The following FGD4 variants were observed in gnomAD, a reference collection of about 807,000 sequenced individuals.
FGD4 encodes the protein FYVE, RhoGEF and PH domain-containing protein 4.
A neutral mutation model predicts 102.0 loss-of-function variants in FGD4; 42 were observed. The ratio of observed to expected loss-of-function variants is 0.41; its 90% CI spans 0.32 to 0.53. FGD4 has a LOEUF of 0.53. Among genes scored for constraint, FGD4 ranks in the 20% least tolerant of loss-of-function variants. The pLI, the probability that FGD4 is intolerant of heterozygous loss-of-function variation, is 0.21. For synonymous variants in FGD4, 380 were observed against 375.7 expected (o/e 1.01, Z -0.13); for missense variants, 902 against 1,078.2 (o/e 0.84, Z 2.29).
chr12:32,564,017 G>C, intron 1 of FGD4, 120 bp from the exon 2 acceptor site: 1 of 706,668 alleles, frequency 1.4e-6, no homozygotes, highest in Non-Finnish European at 2.1e-6. Context: ...GTGGAAAGGG[G>C]AGAGGGAGAG....
chr12:32,534,247 C>A, intron 1 of FGD4: 1 of 1,239,520 alleles, frequency 8.1e-7, no homozygotes, highest in Admixed American at 3.7e-5. Flanking sequence ...TGCAGCAGTC[C>A]GTCCTCTGGG....
intron 1 of FGD4, among the ~76,000 whole-genome samples, chr12:32,562,056 C>G (rs546804234): frequency 1.3e-5 from 2 of 152,270 alleles, no homozygotes; most frequent in South Asian, 2.1e-4. Context: ...AGCCATTCTT[C>G]TAGAGTCTTT....
chr12:32,625,730 C>A lies in FGD4; in HGVS notation c.2123C>A (p.Pro708His), dbSNP rs145071617. The A allele has an allele frequency of 2.2e-4, 360 of 1,613,630 alleles. No homozygotes were observed. The highest frequency in any genetic ancestry group is 2.9e-4 in the Non-Finnish European group (348 of 1,179,928). Residue 708 changes from proline (P) to histidine (H), a missense_variant, in exon 14 of 17, where the codon CCT (proline) becomes CAT (histidine). Around this residue, in one of 2 missense-constraint regions of FGD4, gnomAD observed 459 missense variants for 619.0 expected, o/e 0.74. Coordinates refer to ENST00000534526, the MANE Select transcript of FGD4 (RefSeq NM_001370298.3). ...EVTMCMKCKE[P>H]FNALTRRRHH... ...ACAATGTGTATGAAATGTAAAGAAC[C>A]TTTCAATGCACTGACACGAAGGAGG...
At chr12:32,542,456 A>G (rs917068059) in intron 1 of FGD4, among the ~76,000 whole-genome samples, 13 of 152,220 alleles carry the variant, frequency 8.5e-5, no homozygotes, top group African/African-American at 2.9e-4. Flanking sequence ...AATTAAAAAC[A>G]ATTTTATTTG....
chr12:32,538,423 T>G (rs1432670140), intron 1 of FGD4, among the ~76,000 whole-genome samples: 1 of 152,234 alleles, frequency 6.6e-6, no homozygotes, highest in Non-Finnish European at 1.5e-5. Flanking sequence ...TGTAGTGTTC[T>G]CCATTTCTTC....
At chr12:32,486,503 TCTTTC>T (rs1943905173) in intron 1 of FGD4, among the ~76,000 whole-genome samples, 1 of 152,202 alleles carries the variant, frequency 6.6e-6, no homozygotes, top group African/African-American at 2.4e-5. Context: ...TATTATAACC[TCTTTC>T]CTTCTACTTT....
At chr12:32,454,431 A>G (rs117913302) in intron 1 of FGD4, among the ~76,000 whole-genome samples, 5,747 of 152,250 alleles carry the variant, frequency 0.038, 164 homozygotes, top group Middle Eastern at 0.12. Flanking sequence ...ACATTTTCCT[A>G]TAGTTGAGGA....
chr12:32,436,560 C>T (rs1942235175), intron 1 of FGD4, among the ~76,000 whole-genome samples: 2 of 152,222 alleles, frequency 1.3e-5, no homozygotes, highest in South Asian at 4.1e-4. Context: ...TCCCTTGAAC[C>T]AGTTTGGTGT....
intron 1 of FGD4, among the ~76,000 whole-genome samples, chr12:32,536,914 T>TC (rs1324102907): frequency 1.3e-5 from 2 of 151,970 alleles, no homozygotes; most frequent in East Asian, 1.9e-4. Context: ...TTTCTTTTTT[T>TC]TCTCTCTCTC....
chr12:32,445,271 A>G (rs1010974375), intron 1 of FGD4, among the ~76,000 whole-genome samples: 2 of 152,266 alleles, frequency 1.3e-5, no homozygotes, highest in East Asian at 1.9e-4. Flanking sequence ...AAGGAATACA[A>G]TATTCATAAT....
intron 7 of FGD4, 106 bp from the exon 8 acceptor site, chr12:32,607,851 C>A: frequency 1.6e-6 from 2 of 1,268,436 alleles, no homozygotes; most frequent in South Asian, 1.2e-5. Context: ...GACAGTCACA[C>A]TTTGTCGAAA....
At chr12:32,492,723 G>A (rs1944149817) in intron 1 of FGD4, among the ~76,000 whole-genome samples, 1 of 152,174 alleles carries the variant, frequency 6.6e-6, no homozygotes, top group Non-Finnish European at 1.5e-5. Context: ...ATATCATCAG[G>A]AGTCATCTCT....
intron 7 of FGD4, among the ~76,000 whole-genome samples, chr12:32,606,003 T>C (rs769560413): frequency 6.6e-6 from 1 of 152,190 alleles, no homozygotes; most frequent in Non-Finnish European, 1.5e-5. Context: ...GAGTGGTAGA[T>C]TGGGAATCAA....
At position 32,626,250 on chromosome 12, in the gene FGD4, GCCTGACCA is replaced by G. The variant is rs1010948853; in HGVS notation, c.2172+472_2172+479del. ...ACCTGAGGTCAGGAGTTTGAGACCA[GCCTGACCA>G]ACATGGTGAAATCCCGTCTTTACTA... On this transcript the variant is annotated intron_variant, in intron 14 of 16. Transcript: ENST00000534526. Among the ~76,000 whole-genome samples the G allele has an allele frequency of 1.2e-3, 190 of 152,280 alleles. 1 individual carries two copies. The highest frequency in any genetic ancestry group is 3.8e-3 in the African/African-American group (157 of 41,560).
At chr12:32,417,746 T>C (rs1941475432) in intron 1 of FGD4, among the ~76,000 whole-genome samples, 1 of 152,036 alleles carries the variant, frequency 6.6e-6, no homozygotes, top group African/African-American at 2.4e-5. Flanking sequence ...TGATGCATTC[T>C]TCAGTATGCC....
At chr12:32,489,695 G>A (rs867173091) in intron 1 of FGD4, among the ~76,000 whole-genome samples, 1 of 152,124 alleles carries the variant, frequency 6.6e-6, no homozygotes, top group South Asian at 2.1e-4. Context: ...AGACACGGTG[G>A]TTTGTGTTAT....
At chr12:32,433,823 A>T (rs1333307522) in intron 1 of FGD4, among the ~76,000 whole-genome samples, 1 of 151,860 alleles carries the variant, frequency 6.6e-6, no homozygotes, top group Non-Finnish European at 1.5e-5. Flanking sequence ...GGGATTGACT[A>T]CCTGATAATA....
At chr12:32,635,741 G>A (rs1050194804) in intron 15 of FGD4, among the ~76,000 whole-genome samples, 8 of 152,062 alleles carry the variant, frequency 5.3e-5, no homozygotes, top group East Asian at 1.9e-4. Flanking sequence ...TCAGCTGGGC[G>A]CAGTGGCTCA....
intron 10 of FGD4, among the ~76,000 whole-genome samples, chr12:32,616,687 G>A (rs1949469208): frequency 6.6e-6 from 1 of 152,146 alleles, no homozygotes; most frequent in South Asian, 2.1e-4. Context: ...ACATTTGTCT[G>A]GAAAACCAAA....
Sources: allele counts gnomAD v4.1 joint callset (sites outside exome capture counted in the v4.1 genomes callset), GRCh38; gene constraint gnomAD v4.1.1; regional missense constraint gnomAD v4.1.1; transcripts MANE v1.5; gene names NCBI Gene and HGNC (gene_info 2026-07-23, HGNC 2026-07-21).